CCDC59: variants seen among roughly 807,000 people sequenced by gnomAD.
CCDC59 encodes coiled-coil domain containing 59.
CCDC59 carries 27 observed loss-of-function variants against 30.5 expected under a neutral mutation model. The ratio of observed to expected loss-of-function variants is 0.89; its 90% CI spans 0.65 to 1.22. CCDC59 has a LOEUF of 1.22. Ranked by LOEUF, CCDC59 falls within the 50% of genes most tolerant of loss-of-function variation. The pLI is 0.00. For synonymous variants in CCDC59, 125 were observed against 100.9 expected, an observed-to-expected ratio of 1.24 and a Z score of -1.43; for missense variants, 362 against 284.4, an observed-to-expected ratio of 1.27 and a Z score of -1.96.
upstream of CCDC59, chr12:82,358,643 C>A (rs954150952): frequency 1.9e-6 from 3 of 1,614,136 alleles, no homozygotes; most frequent in Non-Finnish European, 2.5e-6. Flanking sequence ...TGCTGCAGTT[C>A]CTGAGGGATG....
At chr12:82,358,067 T>C (rs532101663) in intron 1 of CCDC59, among the ~76,000 whole-genome samples, 156 bp downstream of exon 1, 1 of 152,364 alleles carries the variant, frequency 6.6e-6, no homozygotes, top group East Asian at 1.9e-4. Flanking sequence ...TCTAGAGCTC[T>C]GCGAAGCTCA....
intron 2 of CCDC59, chr12:82,355,269 CCCTTATCCATGGTTT>C (rs1371771577): frequency 6.6e-6 from 1 of 152,164 alleles, no homozygotes; most frequent in Non-Finnish European, 1.5e-5. Context: ...AGTAGCACAC[CCCTTATCCATGGTTT>C]CCCTGTTCCA....
At chr12:82,358,438 G>T, upstream of CCDC59, 2 of 1,606,726 alleles carry the variant, frequency 1.2e-6, no homozygotes, top group Non-Finnish European at 1.7e-6. Context: ...ACGTCACCAA[G>T]CCGAAGCAAT....
At chr12:82,355,296 G>A (rs187916785) in intron 2 of CCDC59, 5 of 152,100 alleles carry the variant, frequency 3.3e-5, no homozygotes, top group Non-Finnish European at 7.3e-5. Context: ...CCTGTTCCAC[G>A]GTTTCAGTTA....
chr12:82,353,086 G>C lies in CCDC59; in HGVS notation c.*65C>G. On this transcript the variant is annotated 3_prime_UTR_variant, in exon 4 of 4. Coordinates refer to ENST00000256151, the MANE Select transcript of CCDC59 (RefSeq NM_014167.5). ...ATGTCGACAAATTTAGTTCACTGCT[G>C]GGAGGCACATGTCACAGAAGAACCT... The C allele has an allele frequency of 7.7e-7, 1 of 1,305,026 alleles. No homozygotes were observed. Among genetic ancestry groups the C allele is most frequent in the East Asian group, 2.3e-5 (1 of 42,764 alleles). The allele number at this position is 1,305,026 out of a possible 1,614,324, so 80.8% of individuals were successfully genotyped here. A position where few individuals can be genotyped will look rare whatever the true frequency, so the allele number is the denominator to read the frequency against.
chr12:82,353,167 A>G lies in CCDC59; in HGVS notation c.710T>C (p.Ile237Thr). 1.9e-6 allele frequency: 3 copies of G among 1,599,634 alleles called. No homozygotes were observed. Among genetic ancestry groups the G allele is most frequent in the Non-Finnish European group, 2.5e-6 (3 of 1,176,682 alleles). Residue 237 changes from isoleucine (I) to threonine (T), a missense_variant, in exon 4 of 4, where the codon ATA becomes ACA. Physicochemically the swap from Ile to Thr is moderately conservative, Grantham distance 89. Coordinates refer to ENST00000256151, the MANE Select transcript of CCDC59 (RefSeq NM_014167.5). ...ACAAAATGTTTAACATTTTTCTTGT[A>G]TTTTTTGAAGAAGGTACTCCATTTG... ...NVQMEYLLQK[I>T]QEKC is the part of the protein sequence containing the mutation.
At position 82,357,060 on chromosome 12, in the gene CCDC59, G is replaced by A; in HGVS notation, c.364C>T (p.Pro122Ser). ...ATGCTACACTGTTCTTCAAGCAACG[G>A]CTGGTGAACTTGTTCTGACAAAGGA... The part of the protein sequence containing the change: ...DHPLSEQVHQ[P>S]LLEEQCSIDE... Residue 122 changes from proline (P) to serine (S), a missense_variant, in exon 2 of 4, where the codon CCG becomes TCG. Coordinates refer to ENST00000256151, the MANE Select transcript of CCDC59 (RefSeq NM_014167.5). 3.7e-6 allele frequency: 6 copies of A among 1,614,144 alleles called. No homozygotes were observed. The highest frequency in any genetic ancestry group is 5.1e-6 in the Non-Finnish European group (6 of 1,179,970).
intron 3 of CCDC59, among the ~76,000 whole-genome samples, chr12:82,353,977 TA>T (rs1880913323): frequency 6.6e-6 from 1 of 151,754 alleles, no homozygotes; most frequent in Non-Finnish European, 1.5e-5. Flanking sequence ...TCTGGTTTTC[TA>T]AATAATAGAG....
rs769636015 is a variant in CCDC59 at position 82,353,287 on chromosome 12, C to T, written c.590G>A (p.Arg197Lys). ...KQEFERRKQE[R>K]EEAQRQYKKK... ...TTTGTACTGCCTTTGGGCTTCTTCT[C>T]TCTCCTGTTTTCTCCTCTCGAATTC... Residue 197 changes from arginine to lysine, a missense_variant, in exon 4 of 4, where the codon AGA becomes AAA. Physicochemically the swap from Arg to Lys is conservative, Grantham distance 26. Transcript: ENST00000256151. 1.4e-5 allele frequency: 22 copies of T among 1,607,560 alleles called. No individual in the cohort carries two copies. The highest frequency in any genetic ancestry group is 1.8e-5 in the Non-Finnish European group (21 of 1,178,070).
Position 82,352,929 on chromosome 12 carries a change from T to G in CCDC59, c.*222A>C. 2.6e-6 allele frequency: 1 copy of G among 379,460 alleles called. No homozygotes were observed. Among genetic ancestry groups the G allele is most frequent in the East Asian group, 4.2e-5 (1 of 23,712 alleles). 23.5% of individuals were successfully genotyped at this position (379,460 alleles called of 1,614,324 possible). A position where few individuals can be genotyped will look rare whatever the true frequency, so the allele number is the denominator to read the frequency against. On this transcript the variant is annotated 3_prime_UTR_variant, in exon 4 of 4. Transcript: ENST00000256151. The stretch of plus-strand genomic sequence containing the variant: ...GCCTGTCTTGCAAAATAAGAGGTTC[T>G]TTCAGTTCTTCAGGCCAACCTTCCT...
chr12:82,355,952 T>C (rs1443110986), intron 2 of CCDC59: 1 of 152,186 alleles, frequency 6.6e-6, no homozygotes, highest in Non-Finnish European at 1.5e-5. Context: ...ATAACTCAAA[T>C]CTACATTTCT....
chr12:82,358,500 A>G, upstream of CCDC59: 13 of 1,596,472 alleles, frequency 8.1e-6, no homozygotes, highest in Non-Finnish European at 1.1e-5. Context: ...TGCCTGTGCT[A>G]ATTTGGGCCG....
At position 82,357,080 on chromosome 12, in the gene CCDC59, A is replaced by G. The variant is rs1385457789; in HGVS notation, c.344T>C (p.Leu115Ser). The G allele has an allele frequency of 6.2e-7, 1 of 1,614,086 alleles. No individual in the cohort carries two copies. Among genetic ancestry groups the G allele is most frequent in the Non-Finnish European group, 8.5e-7 (1 of 1,180,036 alleles). ...CAACGGCTGGTGAACTTGTTCTGAC[A>G]AAGGATGGTCGACTTTTCTTGCTTG... is the stretch of plus-strand genomic sequence containing the variant. ...RKQARKVDHPLSEQVHQPLLE... is the reference protein window; with the variant it reads ...RKQARKVDHPSSEQVHQPLLE... Residue 115 changes from leucine (L) to serine (S), a missense_variant, in exon 2 of 4, where the codon TTG (leucine) becomes TCG (serine). Coordinates refer to ENST00000256151, the MANE Select transcript of CCDC59 (RefSeq NM_014167.5).
chr12:82,358,357 G>A lies in CCDC59; in HGVS notation c.20C>T (p.Ser7Phe), dbSNP rs973504286. 12 of 1,613,564 alleles carry A rather than the reference G, an allele frequency of 7.4e-6. No homozygotes were observed. Among genetic ancestry groups the A allele is most frequent in the Non-Finnish European group, 9.3e-6 (11 of 1,180,030 alleles). The change falls in exon 1 of 4, where the codon TCC becomes TTC. Residue 7 changes from serine (S) to phenylalanine (F), a missense_variant. By Grantham distance (155) the Ser-to-Phe change is radical. Transcript: ENST00000256151. ...AATACCACCAGGCCGCCACTTCGCG[G>A]ACCGCCTCACCGGCGCCATTGCAGC... MAPVRR[S>F]AKWRPGGIEA...
At position 82,357,031 on chromosome 12, in the gene CCDC59, G is replaced by C. The variant is rs758258688; in HGVS notation, c.393C>G (p.Asp131Glu). Residue 131 changes from aspartate (D) to glutamate (E), a missense_variant, in exon 2 of 4, where the codon GAC becomes GAG. Coordinates refer to ENST00000256151, the MANE Select transcript of CCDC59 (RefSeq NM_014167.5). ...QPLLEEQCSI[D>E]EPLFEDQCSF... Reference sequence around the variant, plus strand: ...TACACTGATCTTCAAATAAAGGCTCGTCAATGCTACACTGTTCTTCAAGCA... The same window carrying C: ...TACACTGATCTTCAAATAAAGGCTCCTCAATGCTACACTGTTCTTCAAGCA... 6.4e-5 allele frequency: 103 copies of C among 1,614,022 alleles called. No homozygotes were observed. Among genetic ancestry groups the C allele is most frequent in the Non-Finnish European group, 7.8e-5 (92 of 1,180,014 alleles).
Position 82,358,341 on chromosome 12 carries a change from A to T in CCDC59, c.36T>A (p.Pro12=), listed in dbSNP as rs1881228441. The T allele has an allele frequency of 4.3e-6, 7 of 1,613,846 alleles. No homozygotes were observed. The highest frequency in any genetic ancestry group is 1.3e-5 in the African/African-American group (1 of 74,936). The change falls in exon 1 of 4, where the codon CCT becomes CCA. Residue 12 remains proline (P), a synonymous_variant. Transcript: ENST00000256151. ...APVRRSAKWR[P]GGIEARGEGV... ...CTTCACCACGCGCCTCAATACCACC[A>T]GGCCGCCACTTCGCGGACCGCCTCA...
At chr12:82,358,615 G>A (rs1453750943), upstream of CCDC59, 10 of 1,613,676 alleles carry the variant, frequency 6.2e-6, no homozygotes, top group Non-Finnish European at 8.5e-6. Context: ...CCCACGCTGC[G>A]TGCCAAGTTG....
intron 2 of CCDC59, 68 bp from the exon 3 acceptor site, chr12:82,354,662 G>A: frequency 8.4e-6 from 12 of 1,431,710 alleles, no homozygotes; most frequent in Non-Finnish European, 1.1e-5. Flanking sequence ...TAAAAACACA[G>A]TTGTAGCTTT....
Position 82,354,565 on chromosome 12 carries a change from T to C in CCDC59, c.494A>G (p.Lys165Arg), listed in dbSNP as rs1342770608. Residue 165 changes from lysine (K) to arginine (R), a missense_variant, in exon 3 of 4, where the codon AAG becomes AGG. Transcript: ENST00000256151. ...TTGTGCTTTTTGATTTGATGTTTTC[T>C]TTTTATTTTTCTTTGGAATTGTAAA... ...NSFTIPKKNK[K>R]KTSNQKAQEE... is the part of the protein sequence containing the mutation. The C allele has an allele frequency of 5.0e-6, 8 of 1,591,506 alleles. No homozygotes were observed. The highest frequency in any genetic ancestry group is 6.0e-6 in the Non-Finnish European group (7 of 1,165,896).
Sources: allele counts gnomAD v4.1 joint callset (sites outside exome capture counted in the v4.1 genomes callset), GRCh38; gene constraint gnomAD v4.1.1; transcripts MANE v1.5; gene names NCBI Gene and HGNC (gene_info 2026-07-23, HGNC 2026-07-21).